Variants in TNR observed in about 807,000 individuals in gnomAD.
The protein encoded by TNR is tenascin-R.
In TNR, 45 loss-of-function variants were observed where a neutral mutation model predicts 150.4. The observed-to-expected ratio is 0.30, with a 90% CI of 0.24 to 0.38. TNR has a LOEUF of 0.38. Ranked by LOEUF, TNR falls within the 10% of genes least tolerant of loss-of-function variation. TNR has a pLI of 1.00. For missense variants in TNR, 1,544 were observed against 1,759.1 expected, an observed-to-expected ratio of 0.88 and a Z score of 2.19; for synonymous variants, 687 against 678.4, an observed-to-expected ratio of 1.01 and a Z score of -0.20.
intron 1 of TNR, 35 bp from the exon 2 acceptor site, chr1:175,528,404 A>C (rs1324865241): frequency 6.6e-6 from 1 of 152,214 alleles, no homozygotes; most frequent in Non-Finnish European, 1.5e-5. Context: ...GAAATATATT[A>C]ATGGTTTCAA....
intron 8 of TNR, among the ~76,000 whole-genome samples, chr1:175,382,588 C>A (rs542889817): frequency 5.9e-5 from 9 of 152,196 alleles, no homozygotes; most frequent in Non-Finnish European, 1.2e-4. Flanking sequence ...GTACCACCAA[C>A]TGGGTGTCTT....
chr1:175,621,736 C>A (rs1385074590), intron 1 of TNR, among the ~76,000 whole-genome samples: 1 of 152,222 alleles, frequency 6.6e-6, no homozygotes, highest in Non-Finnish European at 1.5e-5. Context: ...TTCCTCTCTG[C>A]CTTTATATCC....
At chr1:175,467,235 C>T (rs6681506) in intron 2 of TNR, among the ~76,000 whole-genome samples, 81,706 of 151,782 alleles carry the variant, frequency 0.54, 22,383 homozygotes, top group East Asian at 0.66. Flanking sequence ...CTACTCTCTC[C>T]CAGTGTGGAT....
chr1:175,390,173 A>T (rs2102034022), intron 7 of TNR, among the ~76,000 whole-genome samples: 1 of 152,328 alleles, frequency 6.6e-6, no homozygotes, highest in Non-Finnish European at 1.5e-5. Flanking sequence ...AAGCCTTGGC[A>T]CCTGATGCTG....
chr1:175,350,860 A>T (rs997418715), intron 18 of TNR, among the ~76,000 whole-genome samples: 16 of 152,172 alleles, frequency 1.1e-4, no homozygotes, highest in African/African-American at 3.4e-4. Flanking sequence ...TTATCCGTGG[A>T]TAAAGGCAAC....
chr1:175,586,041 T>C (rs547081757), intron 1 of TNR, among the ~76,000 whole-genome samples: 10 of 152,346 alleles, frequency 6.6e-5, no homozygotes, highest in Admixed American at 4.6e-4. Context: ...TAATAAGTAA[T>C]GAGGCAATGT....
intron 1 of TNR, among the ~76,000 whole-genome samples, chr1:175,584,680 A>G (rs566736267): frequency 6.6e-6 from 1 of 152,362 alleles, no homozygotes; most frequent in Admixed American, 6.5e-5. Context: ...TCAAGGGCCT[A>G]GGATCTTCTG....
chr1:175,386,841 A>G (rs1652961017), intron 7 of TNR, among the ~76,000 whole-genome samples: 1 of 152,174 alleles, frequency 6.6e-6, no homozygotes. Context: ...CCATTTAAAA[A>G]CCAACAGACA....
At chr1:175,573,546 C>A (rs1661974406) in intron 1 of TNR, among the ~76,000 whole-genome samples, 1 of 152,226 alleles carries the variant, frequency 6.6e-6, no homozygotes, top group Non-Finnish European at 1.5e-5. Context: ...AAATGCTACA[C>A]TGTAAGGAAT....
At chr1:175,647,416 C>A (rs114132218) in intron 1 of TNR, among the ~76,000 whole-genome samples, 1 of 143,400 alleles carries the variant, frequency 7.0e-6, no homozygotes, top group African/African-American at 2.8e-5. Flanking sequence ...TTTGAAAATA[C>A]GCTTGTTACT....
chr1:175,701,166 C>T (rs141676666), intron 1 of TNR, among the ~76,000 whole-genome samples: 280 of 152,330 alleles, frequency 1.8e-3, no homozygotes, highest in Non-Finnish European at 3.4e-3. Context: ...CAATCTATTG[C>T]TTTTTGCCTT....
intron 2 of TNR, among the ~76,000 whole-genome samples, chr1:175,470,901 C>T (rs1657255865): frequency 6.6e-6 from 1 of 152,180 alleles, no homozygotes; most frequent in South Asian, 2.1e-4. Context: ...GAGGTGGGAA[C>T]TCGATGACCA....
intron 2 of TNR, among the ~76,000 whole-genome samples, chr1:175,461,571 A>C (rs966151648): frequency 6.6e-6 from 1 of 152,178 alleles, no homozygotes; most frequent in Non-Finnish European, 1.5e-5. Context: ...AAATCTCTAC[A>C]TCTATCTTAA....
chr1:175,516,159 G>C (rs1391327321), intron 2 of TNR, among the ~76,000 whole-genome samples: 9 of 152,150 alleles, frequency 5.9e-5, no homozygotes, highest in Admixed American at 5.9e-4. Context: ...TTCAGTAGTG[G>C]CTTTCTGTAA....
intron 1 of TNR, among the ~76,000 whole-genome samples, chr1:175,564,192 A>T (rs1369216090): frequency 6.6e-6 from 1 of 152,230 alleles, no homozygotes; most frequent in Non-Finnish European, 1.5e-5. Flanking sequence ...TTGGCAGCTT[A>T]TGGAAAATGA....
chr1:175,497,797 C>T (rs779739849), intron 2 of TNR, among the ~76,000 whole-genome samples: 5 of 152,148 alleles, frequency 3.3e-5, no homozygotes, highest in Admixed American at 6.5e-5. Flanking sequence ...TGGTGGCTCA[C>T]GCCTGTAATC....
At chr1:175,666,613 T>C (rs946532423) in intron 1 of TNR, among the ~76,000 whole-genome samples, 20 of 152,358 alleles carry the variant, frequency 1.3e-4, no homozygotes, top group African/African-American at 4.6e-4. Context: ...TTACTCCCAC[T>C]GGCAGGACGA....
At chr1:175,466,348 C>T (rs1351297345) in intron 2 of TNR, among the ~76,000 whole-genome samples, 1 of 152,194 alleles carries the variant, frequency 6.6e-6, no homozygotes, top group African/African-American at 2.4e-5. Context: ...CCTGAAAAAT[C>T]AGGGAAGACC....
intron 18 of TNR, among the ~76,000 whole-genome samples, chr1:175,341,909 T>C (rs1452792300): frequency 3.3e-5 from 5 of 152,144 alleles, no homozygotes; most frequent in African/African-American, 7.2e-5. Flanking sequence ...ATCTGCAGAG[T>C]AGCTGGCTAG....
Sources: gnomAD v4.1 joint callset for allele counts (sites outside exome capture counted in the v4.1 genomes callset) on GRCh38, gnomAD v4.1.1 for gene constraint, MANE v1.5 for transcripts, NCBI Gene and HGNC (gene_info 2026-07-23, HGNC 2026-07-21) for gene names.